The following RBMS3 variants were observed in gnomAD, a reference collection of about 807,000 sequenced individuals.
The protein encoded by RBMS3 is RNA binding motif single stranded interacting protein 3.
RBMS3 carries 27 observed loss-of-function variants against 66.8 expected under a neutral mutation model. That is an observed-to-expected ratio of 0.40 (90% confidence interval 0.30 to 0.56). The LOEUF (loss-of-function observed/expected upper bound fraction) is 0.56. RBMS3 is among the 20% of genes least tolerant of loss of function. The pLI is 0.40. For synonymous variants in RBMS3, 188 were observed against 183.0 expected, an observed-to-expected ratio of 1.03 and a Z score of -0.22; for missense variants, 513 against 549.5, an observed-to-expected ratio of 0.93 and a Z score of 0.66.
Position 29,595,378 on chromosome 3 carries a change from G to A in RBMS3, c.399+8173G>A, listed in dbSNP as rs546833679. Among the ~76,000 whole-genome samples, 7 of 140,210 alleles carry A rather than the reference G, an allele frequency of 5.0e-5. No individual in the cohort carries two copies. In the East Asian group the frequency reaches 6.3e-4, roughly 13 times the overall value. The allele number at this position is 140,210 out of a possible 152,430, so 92.0% of individuals were successfully genotyped here. ...CGCACCATTGCACTCCAGCCTGGGCGACAGTGTAAGAGTCAGTCTAAAAAA... is the reference window on the plus strand; with the variant it reads ...CGCACCATTGCACTCCAGCCTGGGCAACAGTGTAAGAGTCAGTCTAAAAAA... On this transcript the variant is annotated intron_variant, in intron 4 of 14. Transcript: ENST00000383767.
intron 3 of RBMS3, among the ~76,000 whole-genome samples, chr3:29,584,116 C>A (rs2047426653): frequency 6.6e-6 from 1 of 152,150 alleles, no homozygotes; most frequent in South Asian, 2.1e-4. Flanking sequence ...TTGCCTAAAG[C>A]AAATCATGAT....
intron 1 of RBMS3, among the ~76,000 whole-genome samples, chr3:29,425,639 CA>C (rs1001160348): frequency 1.3e-5 from 2 of 151,166 alleles, no homozygotes; most frequent in African/African-American, 4.9e-5. Context: ...CTCTGTCTCA[CA>C]AAATAAAAAA....
Position 29,922,441 on chromosome 3 carries a change from T to A in RBMS3, c.940-13645T>A, listed in dbSNP as rs1323450653. The stretch of plus-strand genomic sequence containing the variant: ...AGCGGAGCTTTCAGTGAGCCGAGAT[T>A]GCGCCACTGCAGTCCGCAGTCCGGC... On this transcript the variant is annotated intron_variant, in intron 10 of 14. Coordinates refer to ENST00000383767, the MANE Select transcript of RBMS3 (RefSeq NM_001003793.3). Among the ~76,000 whole-genome samples the A allele has an allele frequency of 2.1e-5, 3 of 141,956 alleles. No individual in the cohort carries two copies. In the South Asian group the frequency reaches 6.5e-4, roughly 31 times the overall value. The allele number at this position is 141,956 out of a possible 152,430, so 93.1% of individuals were successfully genotyped here.
At chr3:29,756,000 T>A (rs769614925) in intron 5 of RBMS3, among the ~76,000 whole-genome samples, 1 of 152,188 alleles carries the variant, frequency 6.6e-6, no homozygotes, top group Non-Finnish European at 1.5e-5. Flanking sequence ...AGTTCAGTGA[T>A]AAACAGCACC....
chr3:29,596,604 T>C (rs1025914573), intron 4 of RBMS3, among the ~76,000 whole-genome samples: 1 of 152,212 alleles, frequency 6.6e-6, no homozygotes, highest in Admixed American at 6.5e-5. Context: ...TTCACTAAGA[T>C]AGTCAAGTGG....
chr3:29,908,749 A>G (rs111684271), intron 10 of RBMS3, among the ~76,000 whole-genome samples: 1 of 152,186 alleles, frequency 6.6e-6, no homozygotes, highest in Non-Finnish European at 1.5e-5. Context: ...ATTCTTGAGC[A>G]TCAAATATGT....
intron 1 of RBMS3, among the ~76,000 whole-genome samples, chr3:29,427,027 A>G (rs907615338): frequency 6.6e-6 from 1 of 152,206 alleles, no homozygotes; most frequent in Non-Finnish European, 1.5e-5. Context: ...GGTAATCTGG[A>G]GCTCTTAAGC....
chr3:29,874,728 C>G (rs1396327904), intron 7 of RBMS3, among the ~76,000 whole-genome samples: 1 of 152,008 alleles, frequency 6.6e-6, no homozygotes, highest in Non-Finnish European at 1.5e-5. Flanking sequence ...AACTTCTAGT[C>G]TTAAAATAAA....
intron 3 of RBMS3, among the ~76,000 whole-genome samples, chr3:29,528,932 T>C (rs258949): frequency 0.67 from 102,225 of 151,644 alleles, 35,270 homozygotes; most frequent in African/African-American, 0.83. Context: ...TTAGTAGAGA[T>C]GGGGTTTCAC....
chr3:29,992,866 G>T (rs1372997052), intron 14 of RBMS3, among the ~76,000 whole-genome samples: 7 of 150,966 alleles, frequency 4.6e-5, no homozygotes, highest in Admixed American at 2.6e-4. Flanking sequence ...TCTTTAAACT[G>T]ACTTAGCAAG....
intron 4 of RBMS3, among the ~76,000 whole-genome samples, chr3:29,604,814 T>C (rs1290629128): frequency 1.3e-5 from 2 of 151,952 alleles, no homozygotes; most frequent in Non-Finnish European, 2.9e-5. Context: ...TAGTGATCAT[T>C]AGTTTTCCTC....
chr3:29,652,736 A>C (rs545341685), intron 4 of RBMS3, among the ~76,000 whole-genome samples: 1 of 152,224 alleles, frequency 6.6e-6, no homozygotes, highest in South Asian at 2.1e-4. Context: ...TTGTGACTAA[A>C]GCTCTCTAAT....
At chr3:29,721,055 G>A (rs2053622347) in intron 4 of RBMS3, among the ~76,000 whole-genome samples, 1 of 152,130 alleles carries the variant, frequency 6.6e-6, no homozygotes, top group South Asian at 2.1e-4. Flanking sequence ...ATTTAGTGTT[G>A]CAGCAGATAC....
At chr3:29,728,339 G>A (rs540685762) in intron 4 of RBMS3, among the ~76,000 whole-genome samples, 18 of 152,226 alleles carry the variant, frequency 1.2e-4, no homozygotes, top group African/African-American at 4.1e-4. Flanking sequence ...AAACCTGCAC[G>A]TTCTGCACAT....
intron 1 of RBMS3, among the ~76,000 whole-genome samples, chr3:29,346,742 C>G (rs1019561133): frequency 1.3e-5 from 2 of 152,040 alleles, no homozygotes; most frequent in Non-Finnish European, 2.9e-5. Context: ...ATGGACCAAT[C>G]GGTTTTAGAG....
chr3:29,422,600 A>G (rs2040798329), intron 1 of RBMS3, among the ~76,000 whole-genome samples: 1 of 152,058 alleles, frequency 6.6e-6, no homozygotes. Flanking sequence ...TTCTTATTAT[A>G]AAAATTATAA....
chr3:29,906,723 C>T (rs2060388272), intron 10 of RBMS3, among the ~76,000 whole-genome samples: 1 of 151,880 alleles, frequency 6.6e-6, no homozygotes. Context: ...ATAAAATACC[C>T]ATTTCCTCTT....
intron 1 of RBMS3, among the ~76,000 whole-genome samples, chr3:29,395,507 C>T (rs563122489): frequency 2.0e-5 from 3 of 152,286 alleles, no homozygotes; most frequent in Admixed American, 6.5e-5. Context: ...CCAAAATGCT[C>T]TTAATGCTGG....
chr3:29,902,144 G>A (rs1392802228), intron 10 of RBMS3, among the ~76,000 whole-genome samples: 2 of 151,742 alleles, frequency 1.3e-5, no homozygotes, highest in Non-Finnish European at 2.9e-5. Context: ...TAGCAAGGGG[G>A]TATTGAGCTA....
Sources: allele counts gnomAD v4.1 joint callset (sites outside exome capture counted in the v4.1 genomes callset), GRCh38; gene constraint gnomAD v4.1.1; transcripts MANE v1.5; gene names NCBI Gene and HGNC (gene_info 2026-07-23, HGNC 2026-07-21).